INPP4B: variants seen among roughly 807,000 people sequenced by gnomAD.
INPP4B encodes inositol polyphosphate 4-phosphatase type II.
A neutral mutation model predicts 122.5 loss-of-function variants in INPP4B; 55 were observed. The observed-to-expected ratio is 0.45, with a 90% CI of 0.36 to 0.56. The LOEUF (loss-of-function observed/expected upper bound fraction) is 0.56. Among genes scored for constraint, INPP4B ranks in the 20% least tolerant of loss-of-function variants. The probability of loss-of-function intolerance (pLI) is 0.00; values close to 1 mark genes in which losing one functional copy is unlikely to be tolerated. For synonymous variants in INPP4B, 403 were observed against 388.7 expected (o/e 1.04, Z -0.43); for missense variants, 1,000 against 1,097.7 (o/e 0.91, Z 1.26).
chr4:142,089,468 CACACACACACACAGAG>C (rs1778431049), intron 23 of INPP4B, among the ~76,000 whole-genome samples: 1 of 112,222 alleles, frequency 8.9e-6, no homozygotes. Context: ...CACACACACA[CACACACACACACAGAG>C]AGAGAGAGAG....
chr4:142,461,404 C>A (rs550856924), intron 3 of INPP4B, among the ~76,000 whole-genome samples: 37 of 152,048 alleles, frequency 2.4e-4, no homozygotes, highest in Non-Finnish European at 4.9e-4. Context: ...TTAAGAAAAC[C>A]AGTATTACTA....
At chr4:142,529,186 T>C (rs1827291316) in intron 2 of INPP4B, among the ~76,000 whole-genome samples, 1 of 152,128 alleles carries the variant, frequency 6.6e-6, no homozygotes, top group Non-Finnish European at 1.5e-5. Flanking sequence ...GCAAGACCAG[T>C]GGATCTGATA....
At chr4:142,577,668 T>C (rs1054512911) in intron 2 of INPP4B, among the ~76,000 whole-genome samples, 2 of 152,052 alleles carry the variant, frequency 1.3e-5, no homozygotes, top group African/African-American at 4.8e-5. Context: ...TTTTCTCATA[T>C]GTAAAAGGGG....
At chr4:142,341,575 T>C (rs1329125375) in intron 7 of INPP4B, among the ~76,000 whole-genome samples, 3 of 152,124 alleles carry the variant, frequency 2.0e-5, no homozygotes, top group Non-Finnish European at 4.4e-5. Context: ...GCCTTGAGGG[T>C]AGGCAAGACC....
chr4:142,645,589 A>T (rs1017944089), intron 2 of INPP4B, among the ~76,000 whole-genome samples: 2 of 152,192 alleles, frequency 1.3e-5, no homozygotes, highest in Non-Finnish European at 2.9e-5. Flanking sequence ...TTAGAAAAAC[A>T]GCCATGAGGA....
intron 11 of INPP4B, among the ~76,000 whole-genome samples, chr4:142,255,608 G>C (rs1313703347): frequency 6.6e-6 from 1 of 152,080 alleles, no homozygotes; most frequent in African/African-American, 2.4e-5. Context: ...CGACAAAGAA[G>C]GCCATTACAT....
At chr4:142,253,315 A>G (rs759951252) in intron 11 of INPP4B, among the ~76,000 whole-genome samples, 3 of 152,218 alleles carry the variant, frequency 2.0e-5, no homozygotes, top group Admixed American at 6.5e-5. Flanking sequence ...CATTTTTAAA[A>G]TCTTTTCTTT....
intron 15 of INPP4B, among the ~76,000 whole-genome samples, chr4:142,187,534 A>C (rs1212611157): frequency 1.3e-5 from 2 of 151,892 alleles, no homozygotes; most frequent in African/African-American, 2.4e-5. Flanking sequence ...ATCTATCTAT[A>C]TATAAATATA....
intron 11 of INPP4B, among the ~76,000 whole-genome samples, chr4:142,246,858 C>A (rs1371515871): frequency 6.6e-6 from 1 of 152,160 alleles, no homozygotes; most frequent in Non-Finnish European, 1.5e-5. Context: ...TGAGAGAGGG[C>A]ATCCTTGACT....
chr4:142,136,932 T>C (rs1342481868), intron 18 of INPP4B, among the ~76,000 whole-genome samples: 1 of 152,132 alleles, frequency 6.6e-6, no homozygotes, highest in Non-Finnish European at 1.5e-5. Context: ...GCAGGAAGAA[T>C]CAATATCGTG....
At chr4:142,053,218 A>G (rs1755616368) in intron 25 of INPP4B, among the ~76,000 whole-genome samples, 1 of 151,948 alleles carries the variant, frequency 6.6e-6, no homozygotes, top group African/African-American at 2.4e-5. Flanking sequence ...AATTGTGGAG[A>G]AGGGAAAGGA....
intron 24 of INPP4B, among the ~76,000 whole-genome samples, chr4:142,084,131 A>T (rs1775536066): frequency 1.3e-5 from 2 of 152,088 alleles, no homozygotes; most frequent in South Asian, 2.1e-4. Context: ...TATTTTTATT[A>T]TTATTATTTT....
intron 7 of INPP4B, among the ~76,000 whole-genome samples, chr4:142,358,021 CAATT>C (rs1383488579): frequency 1.3e-5 from 2 of 151,898 alleles, no homozygotes; most frequent in African/African-American, 4.8e-5. Context: ...TAAAATGTTA[CAATT>C]AATAGTAGGT....
rs1238318733 is a variant in INPP4B, at chr4:142,206,353, CTCTT to C, written c.1072+2068_1072+2071del. On this transcript the variant is annotated intron_variant, in intron 14 of 25. Transcript: ENST00000262992. Reference sequence around the variant, plus strand: ...CTTGGGCCCATCCATCTCTCTCTCTCTCTTTTTTTTTTTTTTTTCAGTTCTTTCA... The same window carrying C: ...CTTGGGCCCATCCATCTCTCTCTCTCTTTTTTTTTTTTTTCAGTTCTTTCA... 4.9e-4 allele frequency among the ~76,000 whole-genome samples: 40 copies of C among 81,770 alleles called. 1 individual carries two copies. The highest frequency in any genetic ancestry group is 0.014 in the Middle Eastern group (2 of 140). 53.6% of individuals were successfully genotyped at this position (81,770 alleles called of 152,430 possible). A position where few individuals can be genotyped will look rare whatever the true frequency, so the allele number is the denominator to read the frequency against.
chr4:142,247,590 C>CA lies in INPP4B; in HGVS notation c.689-9580dup, dbSNP rs557529255. Among the ~76,000 whole-genome samples, 232 of 152,186 alleles carry CA rather than the reference C, an allele frequency of 1.5e-3. 1 individual carries two copies. The highest frequency in any genetic ancestry group is 5.3e-3 in the African/African-American group (222 of 41,544). On this transcript the variant is annotated intron_variant, in intron 11 of 25. Coordinates refer to ENST00000262992, the MANE Select transcript of INPP4B (RefSeq NM_001101669.3). ...TAGTTTATTTGCATAGTGGTATTTACAGTATTCTCTGATGGTAGTTTGTAT... is the reference window on the plus strand; with the variant it reads ...TAGTTTATTTGCATAGTGGTATTTACAAGTATTCTCTGATGGTAGTTTGTAT...
intron 2 of INPP4B, among the ~76,000 whole-genome samples, chr4:142,569,207 T>C (rs1732283034): frequency 6.7e-6 from 1 of 150,366 alleles, no homozygotes; most frequent in Non-Finnish European, 1.5e-5. Context: ...AAATATAATA[T>C]AAAAATATCA....
intron 17 of INPP4B, among the ~76,000 whole-genome samples, chr4:142,147,480 A>G (rs1459171149): frequency 6.6e-6 from 1 of 152,158 alleles, no homozygotes; most frequent in East Asian, 1.9e-4. Flanking sequence ...CTTATGTGAC[A>G]TGCTACCTAG....
chr4:142,208,110 AT>A (rs1168462812), intron 14 of INPP4B, among the ~76,000 whole-genome samples: 2 of 151,936 alleles, frequency 1.3e-5, no homozygotes, highest in Non-Finnish European at 2.9e-5. Context: ...TTTTTTATTT[AT>A]TTTTTTCTAA....
intron 17 of INPP4B, among the ~76,000 whole-genome samples, chr4:142,159,511 C>T (rs1260846504): frequency 6.6e-6 from 1 of 151,662 alleles, no homozygotes; most frequent in Admixed American, 6.6e-5. Context: ...GTAATTTACT[C>T]CCCATTCTTA....
Sources: allele counts gnomAD v4.1 joint callset (sites outside exome capture counted in the v4.1 genomes callset), GRCh38; gene constraint gnomAD v4.1.1; transcripts MANE v1.5; gene names NCBI Gene and HGNC (gene_info 2026-07-23, HGNC 2026-07-21).